MEIS2: variants seen among roughly 807,000 people sequenced by gnomAD.
MEIS2 encodes the protein homeobox protein Meis2.
In MEIS2, 9 loss-of-function variants were observed where a neutral mutation model predicts 58.6. The observed-to-expected ratio is 0.15, with a 90% CI of 0.09 to 0.27. MEIS2 has a LOEUF of 0.27. Ranked by LOEUF, MEIS2 falls within the 10% of genes least tolerant of loss-of-function variation. MEIS2 has a pLI of 1.00. For synonymous variants in MEIS2, 221 were observed against 228.4 expected (o/e 0.97, Z 0.29); for missense variants, 427 against 635.0 (o/e 0.67, Z 3.52).
Position 37,011,622 on chromosome 15 carries a change from T to G in MEIS2, c.900+25192A>C, listed in dbSNP as rs1231634525. On this transcript the variant is annotated intron_variant, in intron 8 of 11. Coordinates refer to ENST00000561208, the MANE Select transcript of MEIS2 (RefSeq NM_170675.5). ...TCTATCAGTGGTTTTTTTTTTTTTT[T>G]TTTTTTTTTTTTTTTGAGATGGAGT... Among the ~76,000 whole-genome samples the G allele has an allele frequency of 2.2e-5, 3 of 133,562 alleles. No individual in the cohort carries two copies. The Admixed American group carries it at 2.3e-4, about 10-fold the overall frequency. 87.6% of individuals were successfully genotyped at this position (133,562 alleles called of 152,430 possible). A position where few individuals can be genotyped will look rare whatever the true frequency, so the allele number is the denominator to read the frequency against.
intron 8 of MEIS2, among the ~76,000 whole-genome samples, chr15:36,978,691 T>C (rs2059837500): frequency 6.6e-6 from 1 of 152,206 alleles, no homozygotes; most frequent in Admixed American, 6.5e-5. Flanking sequence ...TTATTTGAAT[T>C]TGTATCTTTT....
chr15:37,009,908 C>T (rs1313238768), intron 8 of MEIS2, among the ~76,000 whole-genome samples: 2 of 152,042 alleles, frequency 1.3e-5, no homozygotes, highest in Non-Finnish European at 2.9e-5. Context: ...TAAACTAGCA[C>T]CTAATGTATT....
chr15:36,995,602 T>C (rs2141572347), intron 8 of MEIS2, among the ~76,000 whole-genome samples: 1 of 121,848 alleles, frequency 8.2e-6, no homozygotes, highest in Admixed American at 8.1e-5. Flanking sequence ...GTTCTTTTCT[T>C]TCATTAGGGT....
rs150764309 is a variant in MEIS2 at position 36,962,046 on chromosome 15, T to G, written c.901-11646A>C. On this transcript the variant is annotated intron_variant, in intron 8 of 11. Transcript: ENST00000561208. The stretch of plus-strand genomic sequence containing the variant: ...AGGACAAATTTTTAATGCAGCTAAA[T>G]TCAACTGGTATGAACCACTATGGCC... Among the ~76,000 whole-genome samples, 6 of 152,330 alleles carry G rather than the reference T, an allele frequency of 3.9e-5. No individual in the cohort carries two copies. The East Asian group carries it at 1.2e-3, about 29-fold the overall frequency.
At chr15:36,993,061 C>T (rs2060354647) in intron 8 of MEIS2, among the ~76,000 whole-genome samples, 1 of 152,074 alleles carries the variant, frequency 6.6e-6, no homozygotes, top group Non-Finnish European at 1.5e-5. Context: ...GATTGTTACA[C>T]AGTCATTTTA....
chr15:36,957,657 T>A (rs1233807331), intron 8 of MEIS2, among the ~76,000 whole-genome samples: 1 of 152,218 alleles, frequency 6.6e-6, no homozygotes, highest in Admixed American at 6.5e-5. Context: ...CTGTGTCACA[T>A]CCCTCACTGG....
chr15:36,926,526 A>G (rs1331609636), intron 9 of MEIS2, among the ~76,000 whole-genome samples: 1 of 152,216 alleles, frequency 6.6e-6, no homozygotes, highest in Non-Finnish European at 1.5e-5. Context: ...AATGAATTAC[A>G]TGTTCTGGGA....
At chr15:37,018,673 C>G (rs899368930) in intron 8 of MEIS2, among the ~76,000 whole-genome samples, 2 of 152,066 alleles carry the variant, frequency 1.3e-5, no homozygotes, top group African/African-American at 2.4e-5. Context: ...AGATTTCTAC[C>G]CATTCATTCA....
intron 8 of MEIS2, among the ~76,000 whole-genome samples, chr15:36,997,489 C>CTCT (rs1667824500): frequency 7.3e-6 from 1 of 136,324 alleles, no homozygotes; most frequent in Non-Finnish European, 1.6e-5. Flanking sequence ...CTCTCTCTCT[C>CTCT]TTTTTTTTTT....
intron 8 of MEIS2, among the ~76,000 whole-genome samples, chr15:36,971,527 C>T (rs1230144136): frequency 4.3e-5 from 1 of 23,520 alleles, no homozygotes; most frequent in East Asian, 8.0e-4. Context: ...ACTTGTATGC[C>T]TTGTTACATT....
chr15:37,061,759 C>T (rs1053702782), intron 7 of MEIS2, among the ~76,000 whole-genome samples: 2 of 152,074 alleles, frequency 1.3e-5, no homozygotes, highest in African/African-American at 2.4e-5. Context: ...CTAAGATTTA[C>T]AGTCACCAAA....
intron 8 of MEIS2, among the ~76,000 whole-genome samples, chr15:37,022,229 T>C (rs1040797782): frequency 2.9e-4 from 44 of 152,252 alleles, no homozygotes; most frequent in Non-Finnish European, 2.5e-4. Flanking sequence ...ACTTTTATAG[T>C]CATTATTAAG....
At chr15:37,083,627 T>C (rs1892520341) in intron 7 of MEIS2, 144 bp downstream of exon 7, 2 of 558,006 alleles carry the variant, frequency 3.6e-6, no homozygotes, top group Non-Finnish European at 6.1e-6. Flanking sequence ...GAAGAGGAAA[T>C]ACTGTCTCTT....
chr15:37,064,155 A>G (rs1238046770), intron 7 of MEIS2, among the ~76,000 whole-genome samples: 1 of 152,148 alleles, frequency 6.6e-6, no homozygotes, highest in Non-Finnish European at 1.5e-5. Context: ...ATATTTTAAA[A>G]CTTAAGATAT....
At chr15:37,098,548 A>G (rs748951358) in intron 1 of MEIS2, 1 of 418,418 alleles carries the variant, frequency 2.4e-6, no homozygotes, top group Non-Finnish European at 3.4e-6. Flanking sequence ...ATTAAATTTA[A>G]AAATGAAAAA....
chr15:36,978,710 AT>A (rs1256306839), intron 8 of MEIS2, among the ~76,000 whole-genome samples: 1 of 152,224 alleles, frequency 6.6e-6, no homozygotes, highest in Non-Finnish European at 1.5e-5. Flanking sequence ...TTACAAAAAA[AT>A]CGGCTCATAC....
rs548677352 is a variant in MEIS2 at position 36,908,054 on chromosome 15, C to CA, written c.978-11369dup. ...AAACATATTATATTATGTCAGAAAG[C>CA]AAAAAAAAAATCTATTCATGAATAC... is the stretch of plus-strand genomic sequence containing the variant. On this transcript the variant is annotated intron_variant, in intron 9 of 11. Coordinates refer to ENST00000561208, the MANE Select transcript of MEIS2 (RefSeq NM_170675.5). 1.6e-3 allele frequency among the ~76,000 whole-genome samples: 243 copies of CA among 148,148 alleles called. 1 individual carries two copies. Among genetic ancestry groups the CA allele is most frequent in the Non-Finnish European group, 1.7e-3 (113 of 66,792 alleles).
intron 8 of MEIS2, among the ~76,000 whole-genome samples, chr15:37,014,169 T>A (rs932529259): frequency 1.3e-5 from 2 of 152,194 alleles, no homozygotes; most frequent in African/African-American, 2.4e-5. Flanking sequence ...AAGAACTTCT[T>A]AAACCCACTG....
Position 36,970,186 on chromosome 15 carries a change from G to A in MEIS2, c.901-19786C>T, listed in dbSNP as rs552767634. ...TGGGAGGCCAAGGCGGGAGGATCAT[G>A]AGGTCAGGAGATCCGGACCATCCTG... is the stretch of plus-strand genomic sequence containing the variant. On this transcript the variant is annotated intron_variant, in intron 8 of 11. Coordinates refer to ENST00000561208, the MANE Select transcript of MEIS2 (RefSeq NM_170675.5). Among the ~76,000 whole-genome samples, 25 of 152,242 alleles carry A rather than the reference G, an allele frequency of 1.6e-4. No homozygotes were observed. In the East Asian group the frequency reaches 3.5e-3, roughly 21 times the overall value.
Sources: allele counts gnomAD v4.1 joint callset (sites outside exome capture counted in the v4.1 genomes callset), GRCh38; gene constraint gnomAD v4.1.1; transcripts MANE v1.5; gene names NCBI Gene and HGNC (gene_info 2026-07-23, HGNC 2026-07-21).